Variants in UBE2E2 observed in about 807,000 individuals in gnomAD.
The protein encoded by UBE2E2 is ubiquitin conjugating enzyme E2 E2, also known as ubiquitin-conjugating enzyme E2 E2.
A neutral mutation model predicts 24.7 loss-of-function variants in UBE2E2; 6 were observed. The observed-to-expected ratio is 0.24, with a 90% confidence interval of 0.13 to 0.48. The LOEUF (loss-of-function observed/expected upper bound fraction) is 0.48, where lower values mean the gene tolerates loss of function less well. UBE2E2 is among the 20% of genes least tolerant of loss of function. UBE2E2 has a pLI of 0.99. For synonymous variants in UBE2E2, 104 were observed against 83.6 expected (o/e 1.24, Z -1.33); for missense variants, 169 against 245.0 (o/e 0.69, Z 2.07).
intron 3 of UBE2E2, among the ~76,000 whole-genome samples, chr3:23,480,322 C>G (rs1699230534): frequency 6.6e-6 from 1 of 152,240 alleles, no homozygotes. Context: ...ATGCCCAGAG[C>G]TGGGAGAGGC....
chr3:23,278,183 T>C (rs1179447995), intron 3 of UBE2E2, among the ~76,000 whole-genome samples: 2 of 152,128 alleles, frequency 1.3e-5, no homozygotes, highest in African/African-American at 4.8e-5. Context: ...CATCAAAGTA[T>C]ACTTAGATCC....
chr3:23,236,871 CCTT>C (rs1467424376), intron 3 of UBE2E2, among the ~76,000 whole-genome samples: 1 of 152,084 alleles, frequency 6.6e-6, no homozygotes, highest in Non-Finnish European at 1.5e-5. Flanking sequence ...AGATGGAAAA[CCTT>C]CTCCTACACA....
intron 3 of UBE2E2, among the ~76,000 whole-genome samples, chr3:23,246,032 A>C (rs563588211): frequency 6.6e-6 from 1 of 152,276 alleles, no homozygotes; most frequent in South Asian, 2.1e-4. Flanking sequence ...ATCAATATTT[A>C]TATTTATTGG....
intron 3 of UBE2E2, among the ~76,000 whole-genome samples, chr3:23,465,162 C>T (rs966033653): frequency 6.6e-6 from 1 of 152,256 alleles, no homozygotes; most frequent in Middle Eastern, 3.4e-3. Context: ...ATTTAATCTT[C>T]CCAACAATCC....
At chr3:23,401,992 G>T (rs1179416427) in intron 3 of UBE2E2, among the ~76,000 whole-genome samples, 1 of 151,754 alleles carries the variant, frequency 6.6e-6, no homozygotes, top group Non-Finnish European at 1.5e-5. Context: ...GAATAGCTGG[G>T]ATTACAGGCG....
chr3:23,332,671 T>TGGG (rs78884458), intron 3 of UBE2E2, among the ~76,000 whole-genome samples: 14 of 79,128 alleles, frequency 1.8e-4, no homozygotes, highest in African/African-American at 6.3e-4. Flanking sequence ...TGGCAGCCAG[T>TGGG]GGGGTGTGTG....
At chr3:23,330,246 T>C (rs1695023684) in intron 3 of UBE2E2, among the ~76,000 whole-genome samples, 1 of 152,216 alleles carries the variant, frequency 6.6e-6, no homozygotes, top group Non-Finnish European at 1.5e-5. Context: ...AGTACCCTCT[T>C]TTCACAGCTC....
intron 3 of UBE2E2, among the ~76,000 whole-genome samples, chr3:23,466,340 T>G (rs1409701809): frequency 6.6e-6 from 1 of 152,236 alleles, no homozygotes; most frequent in African/African-American, 2.4e-5. Context: ...ATACGCATGA[T>G]GATCTCAGCA....
intron 3 of UBE2E2, among the ~76,000 whole-genome samples, chr3:23,496,228 A>G (rs1004276502): frequency 2.6e-5 from 4 of 152,186 alleles, no homozygotes; most frequent in African/African-American, 9.6e-5. Flanking sequence ...CCATATTGGT[A>G]GACCTTTGAC....
intron 3 of UBE2E2, among the ~76,000 whole-genome samples, chr3:23,337,708 T>C (rs4241512): frequency 0.45 from 68,809 of 151,976 alleles, 15,932 homozygotes; most frequent in Admixed American, 0.57. Flanking sequence ...AACTGGAGTA[T>C]GAAAGAAGAA....
chr3:23,506,488 A>G (rs1358446442), intron 4 of UBE2E2, among the ~76,000 whole-genome samples: 1 of 152,140 alleles, frequency 6.6e-6, no homozygotes, highest in Non-Finnish European at 1.5e-5. Context: ...CACTGGCTCA[A>G]TCTTGACAAT....
In UBE2E2 at chr3:23,207,512, A is replaced by G. The variant is rs144394135; in HGVS notation, c.-8-1180A>G. Among the ~76,000 whole-genome samples, 632 of 152,208 alleles carry G rather than the reference A, an allele frequency of 4.2e-3. 3 individuals are homozygous for G. Among genetic ancestry groups the G allele is most frequent in the African/African-American group, 8.5e-3 (352 of 41,542 alleles). On this transcript the variant is annotated intron_variant, in intron 1 of 5. Coordinates refer to ENST00000396703, the MANE Select transcript of UBE2E2 (RefSeq NM_152653.4). ...TAGCTGAATGCTGTCATATGGTTCAATTTTTATTTAGAATCATGCAGTCAT... is the reference window on the plus strand; with the variant it reads ...TAGCTGAATGCTGTCATATGGTTCAGTTTTTATTTAGAATCATGCAGTCAT...
At chr3:23,285,855 C>T (rs1052094243) in intron 3 of UBE2E2, among the ~76,000 whole-genome samples, 1 of 152,084 alleles carries the variant, frequency 6.6e-6, no homozygotes, top group Non-Finnish European at 1.5e-5. Flanking sequence ...ACCACCACAT[C>T]TAGCTAATTT....
chr3:23,348,689 C>A (rs1695634861), intron 3 of UBE2E2, among the ~76,000 whole-genome samples: 1 of 152,050 alleles, frequency 6.6e-6, no homozygotes, highest in African/African-American at 2.4e-5. Context: ...AAGAATGATA[C>A]CTGGGCCCTG....
At chr3:23,426,170 A>G (rs1054463597) in intron 3 of UBE2E2, among the ~76,000 whole-genome samples, 3 of 152,198 alleles carry the variant, frequency 2.0e-5, no homozygotes, top group Admixed American at 2.0e-4. Flanking sequence ...AACCTTGAGT[A>G]TATGTCAGTA....
chr3:23,263,979 C>T (rs935674575), intron 3 of UBE2E2, among the ~76,000 whole-genome samples: 8 of 152,056 alleles, frequency 5.3e-5, no homozygotes, highest in Non-Finnish European at 1.2e-4. Context: ...ACAGGGTATC[C>T]GTGGTGACTA....
intron 3 of UBE2E2, among the ~76,000 whole-genome samples, chr3:23,265,921 G>C (rs1395402328): frequency 6.6e-6 from 1 of 152,016 alleles, no homozygotes; most frequent in African/African-American, 2.4e-5. Flanking sequence ...TGTCTCTTTT[G>C]ATCTTTGTTG....
chr3:23,242,175 T>C (rs1697276746), intron 3 of UBE2E2, among the ~76,000 whole-genome samples: 1 of 152,140 alleles, frequency 6.6e-6, no homozygotes, highest in African/African-American at 2.4e-5. Flanking sequence ...CAAATGATCC[T>C]CCTGCTTTGA....
intron 3 of UBE2E2, among the ~76,000 whole-genome samples, chr3:23,248,838 A>C (rs940623094): frequency 6.6e-6 from 1 of 152,246 alleles, no homozygotes; most frequent in Non-Finnish European, 1.5e-5. Context: ...ATTCAGCCGA[A>C]TGAACAGTGA....
Sources: gnomAD v4.1 joint callset for allele counts (sites outside exome capture counted in the v4.1 genomes callset) on GRCh38, gnomAD v4.1.1 for gene constraint, MANE v1.5 for transcripts, NCBI Gene and HGNC (gene_info 2026-07-23, HGNC 2026-07-21) for gene names.